Variants in LDLRAD3 observed in about 807,000 individuals in gnomAD.
The protein encoded by LDLRAD3 is low-density lipoprotein receptor class A domain-containing protein 3.
Under a neutral mutation model 29.4 loss-of-function variants are expected in LDLRAD3, and 20 were observed. The observed-to-expected ratio is 0.68, with a 90% CI of 0.48 to 0.99. The LOEUF (loss-of-function observed/expected upper bound fraction) is 0.99. Ranked by LOEUF, LDLRAD3 falls within the 50% of genes least tolerant of loss-of-function variation. The pLI, the probability that LDLRAD3 is intolerant of heterozygous loss-of-function variation, is 0.00. For missense variants in LDLRAD3, 420 were observed against 454.3 expected, an observed-to-expected ratio of 0.92 and a Z score of 0.69; for synonymous variants, 157 against 192.7, an observed-to-expected ratio of 0.81 and a Z score of 1.53.
chr11:36,137,964 C>G (rs1854026114), intron 4 of LDLRAD3, among the ~76,000 whole-genome samples: 1 of 152,144 alleles, frequency 6.6e-6, no homozygotes, highest in African/African-American at 2.4e-5. Flanking sequence ...GGAAAGTGTT[C>G]AGTTTTTTTA....
intron 4 of LDLRAD3, among the ~76,000 whole-genome samples, chr11:36,143,980 C>G (rs2133318538): frequency 7.0e-6 from 1 of 142,424 alleles, no homozygotes; most frequent in East Asian, 2.2e-4. Flanking sequence ...TGATGCCGAG[C>G]CGAAGCTGGA....
At chr11:36,089,374 C>T (rs1367344702) in intron 3 of LDLRAD3, among the ~76,000 whole-genome samples, 1 of 151,892 alleles carries the variant, frequency 6.6e-6, no homozygotes. Context: ...TCAACCTAGG[C>T]GGTATAAATA....
At chr11:35,973,785 G>T (rs548716809) in intron 1 of LDLRAD3, among the ~76,000 whole-genome samples, 1 of 152,068 alleles carries the variant, frequency 6.6e-6, no homozygotes, top group South Asian at 2.1e-4. Flanking sequence ...TTGTAGTTTT[G>T]ATAGTTACTG....
intron 4 of LDLRAD3, among the ~76,000 whole-genome samples, chr11:36,109,484 AT>A (rs1853577296): frequency 6.6e-6 from 1 of 152,154 alleles, no homozygotes; most frequent in East Asian, 1.9e-4. Context: ...GGGGATACTA[AT>A]TTTGTGGAAC....
At chr11:36,157,192 T>A (rs1411451392) in intron 4 of LDLRAD3, among the ~76,000 whole-genome samples, 1 of 152,176 alleles carries the variant, frequency 6.6e-6, no homozygotes, top group Non-Finnish European at 1.5e-5. Flanking sequence ...GGTCTCCAGA[T>A]TGTATACAGT....
intron 1 of LDLRAD3, among the ~76,000 whole-genome samples, chr11:36,025,524 G>A (rs1852153182): frequency 6.6e-6 from 1 of 151,860 alleles, no homozygotes; most frequent in South Asian, 2.1e-4. Flanking sequence ...GAGTAGCTGG[G>A]ACTATAGGCG....
intron 4 of LDLRAD3, among the ~76,000 whole-genome samples, chr11:36,130,994 G>C (rs34874551): frequency 0.19 from 28,350 of 152,176 alleles, 2,707 homozygotes; most frequent in African/African-American, 0.23. Flanking sequence ...CACAACCCAG[G>C]TGAGACCAGG....
At chr11:36,195,636 C>G (rs892797602) in intron 4 of LDLRAD3, among the ~76,000 whole-genome samples, 1 of 152,148 alleles carries the variant, frequency 6.6e-6, no homozygotes, top group Non-Finnish European at 1.5e-5. Flanking sequence ...TAAAGGGCTG[C>G]AAAACAGCCC....
At chr11:36,206,112 T>A (rs1855204097) in intron 4 of LDLRAD3, among the ~76,000 whole-genome samples, 2 of 152,232 alleles carry the variant, frequency 1.3e-5, no homozygotes. Context: ...AGGAAAATCA[T>A]GAAGAGTCGA....
At chr11:36,054,408 T>C (rs1852574626) in intron 2 of LDLRAD3, among the ~76,000 whole-genome samples, 1 of 152,344 alleles carries the variant, frequency 6.6e-6, no homozygotes, top group East Asian at 1.9e-4. Context: ...TGTGAGTGAA[T>C]TCCAGAGTAG....
chr11:35,978,990 T>C (rs2133154796), intron 1 of LDLRAD3, among the ~76,000 whole-genome samples: 1 of 152,370 alleles, frequency 6.6e-6, no homozygotes, highest in East Asian at 1.9e-4. Flanking sequence ...GATTCTTTAA[T>C]AAGGCTGTTC....
intron 3 of LDLRAD3, among the ~76,000 whole-genome samples, 166 bp downstream of exon 3, chr11:36,081,944 G>GT (rs1853122482): frequency 6.6e-6 from 1 of 152,200 alleles, no homozygotes; most frequent in South Asian, 2.1e-4. Flanking sequence ...ATCTGTAAAT[G>GT]TTCAGCCACC....
intron 4 of LDLRAD3, among the ~76,000 whole-genome samples, chr11:36,150,438 G>A (rs562291667): frequency 4.8e-4 from 73 of 152,200 alleles, no homozygotes; most frequent in African/African-American, 1.7e-3. Flanking sequence ...TGAGGTGGGA[G>A]GATCACTTGC....
chr11:36,014,537 T>A (rs572048516), intron 1 of LDLRAD3, among the ~76,000 whole-genome samples: 3 of 152,214 alleles, frequency 2.0e-5, no homozygotes, highest in Admixed American at 6.5e-5. Context: ...GGGTGGCCCA[T>A]CACACCTGCT....
chr11:36,203,781 A>G (rs1000241314), intron 4 of LDLRAD3, among the ~76,000 whole-genome samples: 3 of 152,188 alleles, frequency 2.0e-5, no homozygotes, highest in Admixed American at 6.5e-5. Flanking sequence ...TTCCAAATGC[A>G]TAACCCCAGA....
At chr11:36,215,845 C>T (rs765101856) in intron 4 of LDLRAD3, among the ~76,000 whole-genome samples, 14 of 152,086 alleles carry the variant, frequency 9.2e-5, no homozygotes, top group African/African-American at 1.2e-4. Context: ...AGCATTTCCC[C>T]GGGTAATAAA....
At chr11:36,091,248 ATG>A (rs10555986) in intron 3 of LDLRAD3, among the ~76,000 whole-genome samples, 2,206 of 152,250 alleles carry the variant, frequency 0.014, 56 homozygotes, top group African/African-American at 0.05. Context: ...TTTCTCATTT[ATG>A]TGTTTTTGTC....
chr11:36,032,392 T>C (rs1232286072), intron 1 of LDLRAD3, among the ~76,000 whole-genome samples: 2 of 152,140 alleles, frequency 1.3e-5, no homozygotes, highest in Non-Finnish European at 1.5e-5. Context: ...TTGTAAACTA[T>C]GGCCAGAGTT....
chr11:36,077,382 C>A (rs571556853), intron 2 of LDLRAD3, among the ~76,000 whole-genome samples: 1 of 152,318 alleles, frequency 6.6e-6, no homozygotes, highest in African/African-American at 2.4e-5. Context: ...ATTTCTGTGG[C>A]CAGTGACACC....
Sources: allele counts gnomAD v4.1 joint callset (sites outside exome capture counted in the v4.1 genomes callset), GRCh38; gene constraint gnomAD v4.1.1; transcripts MANE v1.5; gene names NCBI Gene and HGNC (gene_info 2026-07-23, HGNC 2026-07-21).